The following ATAD2 variants were observed in gnomAD, a reference collection of about 807,000 sequenced individuals.
The protein encoded by ATAD2 is ATPase family AAA domain containing 2, also known as ATPase family AAA domain-containing protein 2.
ATAD2 carries 62 observed loss-of-function variants against 168.9 expected under a neutral mutation model. The observed-to-expected ratio is 0.37, with a 90% CI of 0.30 to 0.45. ATAD2 has a LOEUF of 0.45. ATAD2 is among the 20% of genes least tolerant of loss of function. ATAD2 has a pLI of 1.00. For missense variants in ATAD2, 1,419 were observed against 1,667.8 expected (o/e 0.85, Z 2.60); for synonymous variants, 613 against 571.6 (o/e 1.07, Z -1.03).
chr8:123,376,523 C>T (rs988374453), intron 2 of ATAD2, among the ~76,000 whole-genome samples: 7 of 152,006 alleles, frequency 4.6e-5, no homozygotes, highest in African/African-American at 1.7e-4. Flanking sequence ...GACTGAACTC[C>T]AGTCTGGTCA....
At chr8:123,363,383 T>G (rs1449314048) in intron 8 of ATAD2, among the ~76,000 whole-genome samples, 1 of 152,200 alleles carries the variant, frequency 6.6e-6, no homozygotes, top group African/African-American at 2.4e-5. Context: ...ACCCTAGAGA[T>G]GTTAATGTTG....
At position 123,339,383 on chromosome 8, in the gene ATAD2, C is replaced by T; in HGVS notation, c.2782G>A (p.Glu928Lys). 1 of 1,602,432 alleles carries T rather than the reference C, an allele frequency of 6.2e-7. No homozygotes were observed. The highest frequency in any genetic ancestry group is 8.5e-7 in the Non-Finnish European group (1 of 1,173,650). ...AAATCTTCAAAAAATTTTGTCCGTT[C>T]TTCTTTATCCGGTAACTGGACATTA... ...IFNVQLPDKEERTKFFEDLIL... is the reference protein window; with the variant it reads ...IFNVQLPDKEKRTKFFEDLIL... Residue 928 changes from glutamate to lysine, a missense_variant, in exon 20 of 28, where the codon GAA becomes AAA. Glu to Lys is a moderately conservative substitution (Grantham distance 56). This residue lies in a region of ATAD2 where 545 missense variants were observed against 724.9 expected (regional missense o/e 0.75). Coordinates refer to ENST00000287394, the MANE Select transcript of ATAD2 (RefSeq NM_014109.4).
rs77695560 is a variant in ATAD2 at position 123,348,328 on chromosome 8, A to T, written c.1807-55T>A. On this transcript the variant is annotated intron_variant, in intron 14 of 27. Coordinates refer to ENST00000287394, the MANE Select transcript of ATAD2 (RefSeq NM_014109.4). ...AACTATAATAATAAATGCTATTCAG[A>T]TTACATTAATTTTGATTAAAATACT... 497 of 1,236,044 alleles carry T rather than the reference A, an allele frequency of 4.0e-4. 3 individuals are homozygous for T. In the African/African-American group the frequency reaches 6.4e-3, roughly 16 times the overall value. The allele number at this position is 1,236,044 out of a possible 1,614,324, so 76.6% of individuals were successfully genotyped here.
At chr8:123,406,310 G>A (rs1813067195) in intron 1 of ATAD2, among the ~76,000 whole-genome samples, 1 of 147,942 alleles carries the variant, frequency 6.8e-6, no homozygotes, top group South Asian at 2.1e-4. Flanking sequence ...CTGGGAGGCA[G>A]AGGTTGCAGT....
At chr8:123,356,309 A>G in intron 13 of ATAD2, 80 bp downstream of exon 13, 2 of 1,190,946 alleles carry the variant, frequency 1.7e-6, no homozygotes, top group Non-Finnish European at 1.2e-6. Flanking sequence ...TTCTTTCACC[A>G]TTTAACATTC....
At chr8:123,344,675 T>G in intron 19 of ATAD2, 1 of 541,092 alleles carries the variant, frequency 1.8e-6, no homozygotes, top group Non-Finnish European at 3.2e-6. Context: ...GAGAAAAAAT[T>G]TATGTATCCT....
upstream of ATAD2, among the ~76,000 whole-genome samples, chr8:123,397,242 A>G (rs867924544): frequency 0.22 from 26,515 of 119,780 alleles, 2,077 homozygotes; most frequent in East Asian, 0.38. Context: ...CTCTGTCTCA[A>G]AAAAAAAAAA....
chr8:123,370,578 G>A (rs1410502281), intron 6 of ATAD2, among the ~76,000 whole-genome samples: 1 of 151,934 alleles, frequency 6.6e-6, no homozygotes, highest in Admixed American at 6.6e-5. Flanking sequence ...AATAGATTAT[G>A]GTAATTAAGT....
upstream of ATAD2, among the ~76,000 whole-genome samples, chr8:123,399,003 C>T (rs1812962872): frequency 6.6e-6 from 1 of 152,208 alleles, no homozygotes; most frequent in Non-Finnish European, 1.5e-5. Context: ...TGGCTCACGC[C>T]TGTAATCCCC....
At position 123,346,201 on chromosome 8, in the gene ATAD2, C is replaced by T. The variant is rs1340109697; in HGVS notation, c.2417G>A (p.Gly806Asp). 6.2e-7 allele frequency: 1 copy of T among 1,613,050 alleles called. No individual in the cohort carries two copies. Among genetic ancestry groups the T allele is most frequent in the Non-Finnish European group, 8.5e-7 (1 of 1,179,614 alleles). ...AATGACAGCTGGTGCCAAGTGAGAACCTTGCCCAAATCCTGGTTCTCCTAC... is the reference window on the plus strand; with the variant it reads ...AATGACAGCTGGTGCCAAGTGAGAATCTTGCCCAAATCCTGGTTCTCCTAC... ...LIVGEPGFGQ[G>D]SHLAPAVIHA... The change falls in exon 18 of 28, where the codon GGT becomes GAT. Residue 806 changes from glycine to aspartate, a missense_variant. Around this residue, in one of 5 missense-constraint regions of ATAD2, gnomAD observed 545 missense variants for 724.9 expected, o/e 0.75. Transcript: ENST00000287394.
chr8:123,381,241 C>T (rs565602881), intron 1 of ATAD2, among the ~76,000 whole-genome samples: 32 of 152,236 alleles, frequency 2.1e-4, no homozygotes, highest in South Asian at 1.7e-3. Flanking sequence ...CTTATGCCTG[C>T]AATCCTAGCA....
At chr8:123,342,008 C>G (rs1003208762) in intron 19 of ATAD2, among the ~76,000 whole-genome samples, 1 of 152,118 alleles carries the variant, frequency 6.6e-6, no homozygotes, top group African/African-American at 2.4e-5. Context: ...ATTGCTTAAA[C>G]CCAGGAGGCT....
rs1223735233 is a variant in ATAD2 at position 123,412,322 on chromosome 8, T to C, written c.-2282+3926A>G. Among the ~76,000 whole-genome samples the C allele has an allele frequency of 2.0e-5, 3 of 152,246 alleles. No individual in the cohort carries two copies. In the East Asian group the frequency reaches 5.8e-4, roughly 29 times the overall value. ...ACAGCAATGTCACCTGTATTTTAAT[T>C]AATAAAAATATCAATTCAACAAGGA... On this transcript the variant is annotated intron_variant, in intron 1 of 28. Coordinates refer to the ATAD2 transcript ENST00000521903.
intron 1 of ATAD2, among the ~76,000 whole-genome samples, chr8:123,393,238 T>C (rs921641787): frequency 1.3e-5 from 2 of 150,222 alleles, no homozygotes; most frequent in African/African-American, 4.9e-5. Flanking sequence ...TGGTGGGGCG[T>C]GGTGGTTCAC....
intron 1 of ATAD2, among the ~76,000 whole-genome samples, chr8:123,407,922 T>C (rs1289583018): frequency 6.6e-6 from 1 of 152,170 alleles, no homozygotes; most frequent in African/African-American, 2.4e-5. Context: ...TCAAGTGTTC[T>C]TACTTCATGT....
At chr8:123,409,278 A>G (rs1311870621) in intron 1 of ATAD2, among the ~76,000 whole-genome samples, 2 of 152,134 alleles carry the variant, frequency 1.3e-5, no homozygotes, top group African/African-American at 4.8e-5. Flanking sequence ...CCCCAATATA[A>G]TTCAGATGGG....
At chr8:123,401,145 AG>A (rs1462894989), upstream of ATAD2, 2 of 1,157,516 alleles carry the variant, frequency 1.7e-6, no homozygotes, top group Non-Finnish European at 2.6e-6. Flanking sequence ...TGGCTCCAGC[AG>A]GAGTGATGTT....
At chr8:123,336,733 C>A (rs1586861603) in intron 21 of ATAD2, among the ~76,000 whole-genome samples, 1 of 145,226 alleles carries the variant, frequency 6.9e-6, no homozygotes, top group Admixed American at 6.7e-5. Flanking sequence ...CTGTATCCTC[C>A]AGTAATTGTT....
intron 1 of ATAD2, among the ~76,000 whole-genome samples, chr8:123,392,744 T>C (rs1275672261): frequency 3.9e-5 from 6 of 151,994 alleles, no homozygotes; most frequent in Admixed American, 3.9e-4. Flanking sequence ...GTGGCTGGAA[T>C]AGAGTGCGTT....
Sources: allele counts gnomAD v4.1 joint callset (sites outside exome capture counted in the v4.1 genomes callset), GRCh38; gene constraint gnomAD v4.1.1; regional missense constraint gnomAD v4.1.1; transcripts MANE v1.5; gene names NCBI Gene and HGNC (gene_info 2026-07-23, HGNC 2026-07-21).